Variants in STAMBP observed in about 807,000 individuals in gnomAD.
STAMBP encodes STAM binding protein.
STAMBP carries 31 observed loss-of-function variants against 50.7 expected under a neutral mutation model. The ratio of observed to expected loss-of-function variants is 0.61; its 90% CI spans 0.46 to 0.83. STAMBP has a LOEUF of 0.83. Ranked by LOEUF, STAMBP falls within the 40% of genes least tolerant of loss-of-function variation. STAMBP has a pLI of 0.00. For synonymous variants in STAMBP, 211 were observed against 192.4 expected, an observed-to-expected ratio of 1.10 and a Z score of -0.80; for missense variants, 472 against 518.9, an observed-to-expected ratio of 0.91 and a Z score of 0.88.
intron 2 of STAMBP, among the ~76,000 whole-genome samples, chr2:73,842,723 A>G (rs1675554686): frequency 6.6e-6 from 1 of 152,210 alleles, no homozygotes; most frequent in Non-Finnish European, 1.5e-5. Flanking sequence ...CCAAGAACCT[A>G]TCAACATTAA....
chr2:73,844,639 T>G, intron 2 of STAMBP, 174 bp from the exon 3 acceptor site: 1 of 466,346 alleles, frequency 2.1e-6, no homozygotes, highest in Admixed American at 4.0e-5. Context: ...TCTGGCTCTT[T>G]AGGGGGATAG....
Position 73,844,841 on chromosome 2 carries a change from C to T in STAMBP, c.232C>T (p.Arg78Ter), listed in dbSNP as rs1174684647. Residue 78 changes from arginine to a stop codon, truncating the protein, a stop_gained, in exon 3 of 10, where the codon CGA becomes TGA. Transcript: ENST00000394070. LOFTEE classifies it high-confidence loss of function. The stretch of plus-strand genomic sequence containing the variant: ...CTTTATTGAGAAACTACCAAAACAT[C>T]GAGATTACAAATCTGCTGTCATTCC... ...TLFIEKLPKH[R>*]DYKSAVIPEK... 5 of 1,613,818 alleles carry T rather than the reference C, an allele frequency of 3.1e-6. No homozygotes were observed. Among genetic ancestry groups the T allele is most frequent in the Admixed American group, 1.7e-5 (1 of 59,982 alleles).
chr2:73,851,596 G>T (rs1676808485), intron 7 of STAMBP, among the ~76,000 whole-genome samples: 2 of 151,606 alleles, frequency 1.3e-5, no homozygotes, highest in Non-Finnish European at 2.9e-5. Context: ...GGGGGGACCA[G>T]TTCACTGAGA....
In STAMBP at chr2:73,860,014, C is replaced by T. The variant is rs201920740; in HGVS notation, c.1119-38C>T. ...GCATATGTTTGGGATGGAGGGACAC[C>T]TTTGCTTGACTCTTAGCCTGCCTTT... On this transcript the variant is annotated intron_variant, in intron 8 of 9. Transcript: ENST00000394070. 1.1e-5 allele frequency: 16 copies of T among 1,523,554 alleles called. No homozygotes were observed. The East Asian group carries it at 3.1e-4, about 30-fold the overall frequency. The allele number at this position is 1,523,554 out of a possible 1,614,324, so 94.4% of individuals were successfully genotyped here.
At position 73,866,202 on chromosome 2, in the gene STAMBP, T is replaced by G. The variant is rs1678873806; in HGVS notation, c.*3943T>G. On this transcript the variant is annotated 3_prime_UTR_variant, in exon 10 of 10. Coordinates refer to ENST00000394070, the MANE Select transcript of STAMBP (RefSeq NM_213622.4). Reference sequence around the variant, plus strand: ...AACTTACAGGTGTGTCCGGCATCATTCAATCAGCCTGTTAGATCCAGAATC... The same window carrying G: ...AACTTACAGGTGTGTCCGGCATCATGCAATCAGCCTGTTAGATCCAGAATC... The G allele has an allele frequency of 6.6e-6, 1 of 152,222 alleles. No homozygotes were observed. The highest frequency in any genetic ancestry group is 2.1e-4 in the South Asian group (1 of 4,826). The allele number at this position is 152,222 out of a possible 1,614,324, so 9.4% of individuals were successfully genotyped here.
At position 73,863,342 on chromosome 2, in the gene STAMBP, T is replaced by C. The variant is rs1472463369; in HGVS notation, c.*1083T>C. The C allele has an allele frequency of 6.6e-6, 1 of 152,194 alleles. No individual in the cohort carries two copies. The highest frequency in any genetic ancestry group is 6.5e-5 in the Admixed American group (1 of 15,284). 9.4% of individuals were successfully genotyped at this position (152,194 alleles called of 1,614,324 possible). On this transcript the variant is annotated 3_prime_UTR_variant, in exon 10 of 10. Transcript: ENST00000394070. ...TGTGAGCTGAGCCTGGTGTTCTAGG[T>C]GGCCTAGAAATAATGGTGTCATTTG...
chr2:73,868,250 T>C (rs567074741), downstream of STAMBP, among the ~76,000 whole-genome samples: 6 of 152,030 alleles, frequency 3.9e-5, no homozygotes, highest in Admixed American at 2.6e-4. Flanking sequence ...GCAAAAATTC[T>C]AAATAGAACA....
intron 8 of STAMBP, among the ~76,000 whole-genome samples, chr2:73,859,738 T>A (rs200615829): frequency 7.0e-6 from 1 of 141,934 alleles, no homozygotes; most frequent in Admixed American, 6.9e-5. Context: ...AAATAAAAAA[T>A]AAGAAAGTTT....
chr2:73,872,795 T>C (rs953840610), intron 10 of STAMBP, among the ~76,000 whole-genome samples: 2 of 152,134 alleles, frequency 1.3e-5, no homozygotes, highest in Non-Finnish European at 2.9e-5. Context: ...ATTCCTAGGA[T>C]GTGTAAAATA....
chr2:73,859,601 G>T (rs1004447451), intron 8 of STAMBP, among the ~76,000 whole-genome samples: 12 of 151,850 alleles, frequency 7.9e-5, no homozygotes, highest in Non-Finnish European at 1.8e-4. Context: ...AAGTCTACAA[G>T]AAATTTGAAG....
Position 73,830,871 on chromosome 2 carries a change from A to G in STAMBP, c.15A>G (p.Gly5=), listed in dbSNP as rs1429201910. ...ACTTGGTCCTGATGTCTGACCATGGAGATGTGAGCCTCCCGCCCGAAGACC... is the reference window on the plus strand; with the variant it reads ...ACTTGGTCCTGATGTCTGACCATGGGGATGTGAGCCTCCCGCCCGAAGACC... MSDH[G]DVSLPPEDRV... The change falls in exon 2 of 10, where the codon GGA becomes GGG. Residue 5 remains glycine (G), a synonymous_variant. Coordinates refer to ENST00000394070, the MANE Select transcript of STAMBP (RefSeq NM_213622.4). 6.2e-7 allele frequency: 1 copy of G among 1,613,146 alleles called. No homozygotes were observed. Among genetic ancestry groups the G allele is most frequent in the East Asian group, 2.2e-5 (1 of 44,890 alleles).
At chr2:73,833,992 C>G (rs538189837) in intron 2 of STAMBP, among the ~76,000 whole-genome samples, 2 of 151,632 alleles carry the variant, frequency 1.3e-5, no homozygotes, top group African/African-American at 2.4e-5. Context: ...GGATGGATCA[C>G]TTGAGGTCAG....
At chr2:73,852,193 T>C (rs59631496) in intron 7 of STAMBP, among the ~76,000 whole-genome samples, 8,980 of 152,068 alleles carry the variant, frequency 0.059, 538 homozygotes, top group East Asian at 0.34. Flanking sequence ...GCTAGTGTGT[T>C]TGGGAAGGAG....
intron 2 of STAMBP, among the ~76,000 whole-genome samples, chr2:73,833,366 G>A (rs562363666): frequency 1.3e-5 from 2 of 152,134 alleles, no homozygotes; most frequent in Non-Finnish European, 2.9e-5. Context: ...ATGCCATTAT[G>A]TCATGTCATG....
chr2:73,868,311 A>G (rs1396462895), downstream of STAMBP, among the ~76,000 whole-genome samples: 4 of 152,232 alleles, frequency 2.6e-5, no homozygotes, highest in African/African-American at 9.6e-5. Context: ...AACTGCCAGC[A>G]TGTATTATGC....
chr2:73,843,861 T>C lies in STAMBP; in HGVS notation c.204-952T>C, dbSNP rs531352576. Among the ~76,000 whole-genome samples the C allele has an allele frequency of 5.9e-5, 9 of 152,338 alleles. 1 individual carries two copies. The South Asian group carries it at 1.9e-3, about 32-fold the overall frequency. ...TTTTAGAGCTATCAGCAAGCTACCT[T>C]CAATTTATTTTTTTATCTCAGTTTC... is the stretch of plus-strand genomic sequence containing the variant. On this transcript the variant is annotated intron_variant, in intron 2 of 9. Transcript: ENST00000394070.
At position 73,834,252 on chromosome 2, in the gene STAMBP, T is replaced by A. The variant is rs1260339596; in HGVS notation, c.203+3193T>A. Among the ~76,000 whole-genome samples the A allele has an allele frequency of 8.1e-3, 311 of 38,514 alleles. 2 individuals carry two copies. The highest frequency in any genetic ancestry group is 0.036 in the Middle Eastern group (2 of 56). 25.3% of individuals were successfully genotyped at this position (38,514 alleles called of 152,430 possible). On this transcript the variant is annotated intron_variant, in intron 2 of 9. Transcript: ENST00000394070. ...AAAAAAAAAAATATATATATATATA[T>A]ATATATATATATATATATATATATA...
chr2:73,867,908 T>A (rs2104755504), downstream of STAMBP, among the ~76,000 whole-genome samples: 1 of 152,220 alleles, frequency 6.6e-6, no homozygotes, highest in South Asian at 2.1e-4. Context: ...GTGGATCACC[T>A]GAGGTCAGGA....
At chr2:73,858,159 A>ATTTTTTTTTT (rs35630978) in intron 7 of STAMBP, among the ~76,000 whole-genome samples, 2 of 68,348 alleles carry the variant, frequency 2.9e-5, no homozygotes, top group Non-Finnish European at 5.6e-5. Context: ...ATTGTTTTGT[A>ATTTTTTTTTT]TTTTTTTTTT....
Sources: gnomAD v4.1 joint callset for allele counts (sites outside exome capture counted in the v4.1 genomes callset) on GRCh38, gnomAD v4.1.1 for gene constraint, MANE v1.5 for transcripts, NCBI Gene and HGNC (gene_info 2026-07-23, HGNC 2026-07-21) for gene names.